The following DOP1A variants were observed in gnomAD, a reference collection of about 807,000 sequenced individuals.
DOP1A encodes the protein protein DOP1A.
DOP1A carries 90 observed loss-of-function variants against 267.6 expected under a neutral mutation model. The observed-to-expected ratio is 0.34, with a 90% confidence interval of 0.28 to 0.40. DOP1A has a LOEUF of 0.40. Among genes scored for constraint, DOP1A ranks in the 10% least tolerant of loss-of-function variants. The probability of loss-of-function intolerance (pLI) is 1.00; values close to 1 mark genes in which losing one functional copy is unlikely to be tolerated. For synonymous variants in DOP1A, 932 were observed against 999.1 expected (o/e 0.93, Z 1.27); for missense variants, 2,437 against 2,900.4 (o/e 0.84, Z 3.67).
In DOP1A at chr6:83,081,335, T is replaced by C. The variant is rs112251109; in HGVS notation, c.-147+13556T>C. Among the ~76,000 whole-genome samples, 1,342 of 152,258 alleles carry C rather than the reference T, an allele frequency of 8.8e-3. 18 individuals are homozygous for C. Among genetic ancestry groups the C allele is most frequent in the African/African-American group, 0.031 (1,275 of 41,556 alleles). ...GTTGGCCAGGCTGGTCTCCAACTTC[T>C]GGCTCAAGTGATCCACCCACCTCAA... On this transcript the variant is annotated intron_variant, in intron 1 of 38. Coordinates refer to ENST00000349129, the MANE Select transcript of DOP1A (RefSeq NM_015018.4).
chr6:83,134,561 A>G (rs924398351), intron 19 of DOP1A: 3 of 313,498 alleles, frequency 9.6e-6, no homozygotes, highest in East Asian at 6.0e-5. Context: ...TGATAGAGCA[A>G]TGGATACAGC....
rs767443558 is a variant in DOP1A, at chr6:83,168,157, TA to T, written c.7393del (p.Thr2465LeufsTer13). 1 of 1,611,670 alleles carries T rather than the reference TA, an allele frequency of 6.2e-7. No homozygotes were observed. Among genetic ancestry groups the T allele is most frequent in the African/African-American group, 1.3e-5 (1 of 74,660 alleles). ...MVEKDFLEGMIKT is the reference protein window; with the variant it reads ...MVEKDFLEGMXKT Reference sequence around the variant, plus strand: ...GAAAAAGATTTTCTGGAAGGGATGATAAAAACTTGAGCACCATTGCTGGTTC... The same window carrying T: ...GAAAAAGATTTTCTGGAAGGGATGATAAAACTTGAGCACCATTGCTGGTTC... On this transcript the variant is annotated frameshift_variant, in exon 39 of 39. Coordinates refer to ENST00000349129, the MANE Select transcript of DOP1A (RefSeq NM_015018.4). LOFTEE classifies it high-confidence loss of function.
rs1201665056 is a variant in DOP1A, at chr6:83,129,150, A to G, written c.1983A>G (p.Thr661=). 6.2e-7 allele frequency: 1 copy of G among 1,613,266 alleles called. No homozygotes were observed. The highest frequency in any genetic ancestry group is 1.1e-5 in the South Asian group (1 of 90,878). ...CCCCTTCCGTAGTCACTCAGGGGACAGCAACCCGAAGTAGGAAGACAGCCC... is the reference window on the plus strand; with the variant it reads ...CCCCTTCCGTAGTCACTCAGGGGACGGCAACCCGAAGTAGGAAGACAGCCC... The part of the protein sequence containing the change: ...IQTPSVVTQG[T]ATRSRKTAQK... Residue 661 remains threonine (T), a synonymous_variant, in exon 16 of 39, where the codon ACA becomes ACG. Coordinates refer to ENST00000349129, the MANE Select transcript of DOP1A (RefSeq NM_015018.4).
intron 19 of DOP1A, among the ~76,000 whole-genome samples, chr6:83,135,010 G>C (rs1011207400): frequency 6.6e-6 from 1 of 152,082 alleles, no homozygotes; most frequent in Non-Finnish European, 1.5e-5. Context: ...CCCCTACAAT[G>C]TACTGAATAT....
chr6:83,169,144 G>C, downstream of DOP1A: 3 of 1,554,580 alleles, frequency 1.9e-6, no homozygotes, highest in Non-Finnish European at 2.6e-6. Context: ...TAAACATTAT[G>C]ATTATAAATC....
intron 7 of DOP1A, 139 bp downstream of exon 7, chr6:83,113,560 TAAG>T (rs200971372): frequency 0.018 from 11,287 of 616,278 alleles, 191 homozygotes; most frequent in Admixed American, 0.059. Context: ...AGTTCCTTCT[TAAG>T]GAGTGGAATT....
At chr6:83,130,491 A>G in intron 17 of DOP1A, 94 bp downstream of exon 17, 1 of 1,443,306 alleles carries the variant, frequency 6.9e-7, no homozygotes, top group Non-Finnish European at 9.3e-7. Context: ...TTAAATGTTA[A>G]TAAAGCTTCA....
chr6:83,116,818 AT>A (rs1292050147), intron 7 of DOP1A, among the ~76,000 whole-genome samples: 3 of 152,204 alleles, frequency 2.0e-5, no homozygotes, highest in African/African-American at 7.2e-5. Context: ...CTTAAAAAAA[AT>A]CCAAAAAATA....
chr6:83,084,732 A>C (rs1407678074), intron 1 of DOP1A, among the ~76,000 whole-genome samples: 1 of 150,170 alleles, frequency 6.7e-6, no homozygotes, highest in Non-Finnish European at 1.5e-5. Context: ...ACAGGCACGC[A>C]CCACCACACC....
At chr6:83,157,120 T>C (rs965672608) in intron 34 of DOP1A, 62 bp from the exon 35 acceptor site, 50 of 1,539,788 alleles carry the variant, frequency 3.2e-5, no homozygotes, top group Admixed American at 2.2e-4. Context: ...GGACCGACAA[T>C]ATAGAAAGTT....
intron 3 of DOP1A, among the ~76,000 whole-genome samples, chr6:83,099,763 T>C (rs1330448579): frequency 1.3e-5 from 2 of 150,188 alleles, no homozygotes; most frequent in Non-Finnish European, 2.9e-5. Context: ...CACATACACA[T>C]ATATATATGC....
At chr6:83,156,134 C>G in intron 34 of DOP1A, 31 bp downstream of exon 34, 1 of 1,575,542 alleles carries the variant, frequency 6.3e-7, no homozygotes, top group Non-Finnish European at 8.6e-7. Flanking sequence ...TATTTTTTCT[C>G]TAACTACAGG....
In DOP1A at chr6:83,083,195, A is replaced by G. The variant is rs1180070299; in HGVS notation, c.-146-13536A>G. Among the ~76,000 whole-genome samples, 9 of 152,194 alleles carry G rather than the reference A, an allele frequency of 5.9e-5. No individual in the cohort carries two copies. In the East Asian group the frequency reaches 1.5e-3, roughly 26 times the overall value. On this transcript the variant is annotated intron_variant, in intron 1 of 38. Coordinates refer to ENST00000349129, the MANE Select transcript of DOP1A (RefSeq NM_015018.4). The stretch of plus-strand genomic sequence containing the variant: ...ATTTTTGCCTTATATTTTAAACACT[A>G]TCAGTATTGAGTGGTGAACCACTTG...
chr6:83,074,578 A>G (rs1766700436), intron 1 of DOP1A, among the ~76,000 whole-genome samples: 1 of 152,212 alleles, frequency 6.6e-6, no homozygotes, highest in Admixed American at 6.5e-5. Flanking sequence ...TCCTTCCAGT[A>G]TAGTATTTAA....
intron 3 of DOP1A, 127 bp downstream of exon 3, chr6:83,097,242 A>G (rs1022927400): frequency 3.7e-6 from 4 of 1,068,588 alleles, no homozygotes; most frequent in African/African-American, 3.2e-5. Flanking sequence ...TACTCTTGGT[A>G]GTGCTATTTT....
intron 31 of DOP1A, 21 bp from the exon 32 acceptor site, chr6:83,153,873 G>C: frequency 1.3e-6 from 2 of 1,593,776 alleles, no homozygotes; most frequent in Non-Finnish European, 1.7e-6. Flanking sequence ...CGTAGGTTAA[G>C]GTGGTTTTTC....
At chr6:83,116,511 C>G (rs1204562278) in intron 7 of DOP1A, among the ~76,000 whole-genome samples, 1 of 152,036 alleles carries the variant, frequency 6.6e-6, no homozygotes, top group Admixed American at 6.6e-5. Flanking sequence ...CAATTCAAAT[C>G]AAAACAATAC....
At position 83,074,627 on chromosome 6, in the gene DOP1A, C is replaced by T. The variant is rs145681633; in HGVS notation, c.-147+6848C>T. 5.9e-5 allele frequency among the ~76,000 whole-genome samples: 9 copies of T among 152,216 alleles called. No individual in the cohort carries two copies. The East Asian group carries it at 1.4e-3, about 23-fold the overall frequency. On this transcript the variant is annotated intron_variant, in intron 1 of 38. Transcript: ENST00000349129. ...CTATTCAACACTTTATTATAAAACA[C>T]GCTTTATATTGGGTGATTTTTGCCT...
chr6:83,162,752 C>A, intron 37 of DOP1A, 38 bp from the exon 38 acceptor site: 3 of 1,567,862 alleles, frequency 1.9e-6, no homozygotes, highest in South Asian at 1.2e-5. Context: ...GGCACAAAGT[C>A]TGTCTTACTG....
Sources: allele counts gnomAD v4.1 joint callset (sites outside exome capture counted in the v4.1 genomes callset), GRCh38; gene constraint gnomAD v4.1.1; transcripts MANE v1.5; gene names NCBI Gene and HGNC (gene_info 2026-07-23, HGNC 2026-07-21).